KPNB1: variants seen among roughly 807,000 people sequenced by gnomAD.
KPNB1 encodes the protein importin subunit beta-1.
Under a neutral mutation model 113.0 loss-of-function variants are expected in KPNB1, and 7 were observed. The observed-to-expected ratio is 0.06, with a 90% CI of 0.04 to 0.12. KPNB1 has a LOEUF of 0.12. KPNB1 is among the 10% of genes least tolerant of loss of function. The pLI, the probability that KPNB1 is intolerant of heterozygous loss-of-function variation, is 1.00. For missense variants in KPNB1, 400 were observed against 1,054.8 expected (o/e 0.38, Z 8.60); for synonymous variants, 363 against 378.6 (o/e 0.96, Z 0.48).
chr17:47,652,688 T>C lies in KPNB1; in HGVS notation c.100-6T>C. On this transcript the variant is annotated splice_polypyrimidine_tract_variant and splice_region_variant and intron_variant, in intron 2 of 21. Coordinates refer to ENST00000290158, the MANE Select transcript of KPNB1 (RefSeq NM_002265.6). Reference sequence around the variant, plus strand: ...TTTTATTTACAAATTTATCTTCCCTTAACAGCCCACTTTCCTTGTGGAACT... The same window carrying C: ...TTTTATTTACAAATTTATCTTCCCTCAACAGCCCACTTTCCTTGTGGAACT... 1.9e-6 allele frequency: 3 copies of C among 1,560,978 alleles called. No homozygotes were observed. Among genetic ancestry groups the C allele is most frequent in the Non-Finnish European group, 2.6e-6 (3 of 1,159,818 alleles).
In KPNB1 at chr17:47,664,342, A is replaced by G. The variant is rs956563954; in HGVS notation, c.897+73A>G. 1.3e-5 allele frequency: 13 copies of G among 1,001,964 alleles called. No individual in the cohort carries two copies. In the Admixed American group the frequency reaches 1.4e-4, roughly 11 times the overall value. 62.1% of individuals were successfully genotyped at this position (1,001,964 alleles called of 1,614,324 possible). A position where few individuals can be genotyped will look rare whatever the true frequency, so the allele number is the denominator to read the frequency against. On this transcript the variant is annotated intron_variant, in intron 8 of 21. Transcript: ENST00000290158. ...CATTTGTGGATGATGTTCCCCTTCT[A>G]GGAGAACTTTATTCTGTCTGGGTTT...
chr17:47,673,598 G>A (rs2143158225), intron 14 of KPNB1, 37 bp downstream of exon 14: 1 of 1,465,582 alleles, frequency 6.8e-7, no homozygotes, highest in East Asian at 2.3e-5. Context: ...ACTCCAGGTT[G>A]GAGAATTATT....
intron 3 of KPNB1, among the ~76,000 whole-genome samples, chr17:47,655,003 G>A (rs1413981024): frequency 6.6e-6 from 1 of 152,292 alleles, no homozygotes. Flanking sequence ...AGCTGATGGG[G>A]GTGGGGGCCA....
rs1555619991 is a variant in KPNB1 at position 47,683,118 on chromosome 17, A to AC, written c.*714_*715insC. On this transcript the variant is annotated 3_prime_UTR_variant, in exon 22 of 22. Transcript: ENST00000290158. ...AAAAAAAAAAAAAAAAAAAAAAAAA[A>AC]ACACACACACAGAGGAAAGACGCTC... The AC allele has an allele frequency of 6.2e-4, 89 of 143,146 alleles. No individual in the cohort carries two copies. The highest frequency in any genetic ancestry group is 1.1e-3 in the South Asian group (5 of 4,520). 8.9% of individuals were successfully genotyped at this position (143,146 alleles called of 1,614,324 possible).
chr17:47,667,978 G>T (rs2030341989), intron 9 of KPNB1, among the ~76,000 whole-genome samples: 1 of 152,156 alleles, frequency 6.6e-6, no homozygotes, highest in South Asian at 2.1e-4. Flanking sequence ...TTGTTGTGTA[G>T]TACTAAATGG....
At chr17:47,663,966 C>CA (rs113814816) in intron 7 of KPNB1, among the ~76,000 whole-genome samples, 193 bp from the exon 8 acceptor site, 6,308 of 148,796 alleles carry the variant, frequency 0.042, 237 homozygotes, top group East Asian at 0.11. Context: ...GCCTGTGTGA[C>CA]AGAGTGAGAC....
intron 20 of KPNB1, 152 bp from the exon 21 acceptor site, chr17:47,680,356 G>T (rs2030735096): frequency 1.1e-6 from 1 of 878,860 alleles, no homozygotes; most frequent in Non-Finnish European, 1.8e-6. Context: ...TCTGATGTTG[G>T]TCAACAATTG....
chr17:47,662,809 G>A (rs1291385176), intron 6 of KPNB1, among the ~76,000 whole-genome samples: 2 of 152,062 alleles, frequency 1.3e-5, no homozygotes, highest in African/African-American at 4.8e-5. Flanking sequence ...CTTGAATCGG[G>A]GAGGCAGAGG....
chr17:47,650,328 G>T, intron 1 of KPNB1, 44 bp downstream of exon 1: 1 of 1,611,128 alleles, frequency 6.2e-7, no homozygotes, highest in Middle Eastern at 1.7e-4. Context: ...GATTGGGGTG[G>T]GGGAGGGGAG....
intron 9 of KPNB1, among the ~76,000 whole-genome samples, chr17:47,667,562 G>T (rs78016857): frequency 2.8e-5 from 4 of 142,780 alleles, no homozygotes; most frequent in African/African-American, 7.7e-5. Flanking sequence ...TTAATACTAT[G>T]TTTTTTTTTT....
chr17:47,666,569 A>T lies in KPNB1; in HGVS notation c.999+1411A>T, dbSNP rs1054005340. On this transcript the variant is annotated intron_variant, in intron 9 of 21. Coordinates refer to ENST00000290158, the MANE Select transcript of KPNB1 (RefSeq NM_002265.6). ...TATTATATATTATGTTATATGTTAT[A>T]TATTTTATATGTACTACATATTATA... 4.1e-5 allele frequency among the ~76,000 whole-genome samples: 6 copies of T among 144,726 alleles called. No individual in the cohort carries two copies. The Admixed American group carries it at 4.2e-4, about 10-fold the overall frequency. The allele number at this position is 144,726 out of a possible 152,430, so 94.9% of individuals were successfully genotyped here.
rs1360796752 is a variant in KPNB1 at position 47,658,423 on chromosome 17, C to T, written c.484-85C>T. 2.8e-6 allele frequency: 4 copies of T among 1,422,054 alleles called. No homozygotes were observed. In the African/African-American group the frequency reaches 4.3e-5, roughly 15 times the overall value. 88.1% of individuals were successfully genotyped at this position (1,422,054 alleles called of 1,614,324 possible). A position where few individuals can be genotyped will look rare whatever the true frequency, so the allele number is the denominator to read the frequency against. ...TTTTTTTCCTCTAAATATTTTCAAT[C>T]CATAGTTGTTTGAATCCACAGATGT... On this transcript the variant is annotated intron_variant, in intron 4 of 21. Transcript: ENST00000290158.
At chr17:47,672,122 C>A (rs1597935411) in intron 12 of KPNB1, among the ~76,000 whole-genome samples, 1 of 151,548 alleles carries the variant, frequency 6.6e-6, no homozygotes, top group Non-Finnish European at 1.5e-5. Flanking sequence ...TCTCGTACTT[C>A]AGCCTCCCGA....
rs1157291179 is a variant in KPNB1, at chr17:47,683,090, TAAAAAAAAAAAAAAAAA to T, written c.*699_*715del. The T allele has an allele frequency of 1.2e-4, 2 of 17,250 alleles. No individual in the cohort carries two copies. Among genetic ancestry groups the T allele is most frequent in the East Asian group, 2.2e-3 (1 of 456 alleles). The allele number at this position is 17,250 out of a possible 1,614,324, so 1.1% of individuals were successfully genotyped here. Reference sequence around the variant, plus strand: ...GTTTACTGATGCAGCACAAGAGATGTAAAAAAAAAAAAAAAAAAAAAAAAAAAAACACACACACAGAG... The same window carrying T: ...GTTTACTGATGCAGCACAAGAGATGTAAAAAAAAAAAACACACACACAGAG... On this transcript the variant is annotated 3_prime_UTR_variant, in exon 22 of 22. Coordinates refer to ENST00000290158, the MANE Select transcript of KPNB1 (RefSeq NM_002265.6).
Position 47,676,521 on chromosome 17 carries a change from C to A in KPNB1, c.1995+30C>A, listed in dbSNP as rs1353237507. 2.7e-6 allele frequency: 4 copies of A among 1,503,172 alleles called. No homozygotes were observed. In the South Asian group the frequency reaches 4.5e-5, roughly 17 times the overall value. The allele number at this position is 1,503,172 out of a possible 1,614,324, so 93.1% of individuals were successfully genotyped here. ...GATGTGCTTTTCAAAATAGTATGTT[C>A]CCATTTATATCTGACAGTCACTGTA... On this transcript the variant is annotated intron_variant, in intron 16 of 21. Coordinates refer to ENST00000290158, the MANE Select transcript of KPNB1 (RefSeq NM_002265.6).
At chr17:47,679,944 G>A (rs903881139) in intron 19 of KPNB1, 76 bp from the exon 20 acceptor site, 26 of 852,286 alleles carry the variant, frequency 3.1e-5, no homozygotes, top group South Asian at 1.1e-4. Context: ...TGATCCACCC[G>A]CCTGGGCCTC....
rs2030667888 is a variant in KPNB1 at position 47,678,199 on chromosome 17, A to G, written c.2247+10A>G. ...AGCCCAGGTGGACAAGGTAAGCTTA[A>G]AGCTATCTTGGCTGTTCTTTAAGTC... On this transcript the variant is annotated intron_variant, in intron 18 of 21. Transcript: ENST00000290158. 1.2e-6 allele frequency: 2 copies of G among 1,613,932 alleles called. No individual in the cohort carries two copies. The highest frequency in any genetic ancestry group is 2.7e-5 in the African/African-American group (2 of 74,914).
At chr17:47,654,881 C>T (rs1915676956) in intron 3 of KPNB1, among the ~76,000 whole-genome samples, 1 of 152,156 alleles carries the variant, frequency 6.6e-6, no homozygotes, top group African/African-American at 2.4e-5. Flanking sequence ...TTGTTTTTCC[C>T]CCTCATTCCC....
rs1050466543 is a variant in KPNB1 at position 47,680,692 on chromosome 17, C to G, written c.2630+23C>G. On this transcript the variant is annotated intron_variant, in intron 21 of 21. Coordinates refer to ENST00000290158, the MANE Select transcript of KPNB1 (RefSeq NM_002265.6). The stretch of plus-strand genomic sequence containing the variant: ...TTGGTAAGATCTTGCCTCCACTGTC[C>G]TCTTTCTTCTACTTCCTGGAGGAGG... 38 of 1,606,860 alleles carry G rather than the reference C, an allele frequency of 2.4e-5. No individual in the cohort carries two copies. In the Admixed American group the frequency reaches 6.3e-4, roughly 27 times the overall value.
Sources: allele counts gnomAD v4.1 joint callset (sites outside exome capture counted in the v4.1 genomes callset), GRCh38; gene constraint gnomAD v4.1.1; transcripts MANE v1.5; gene names NCBI Gene and HGNC (gene_info 2026-07-23, HGNC 2026-07-21).